RP1L1: variants seen among roughly 807,000 people sequenced by gnomAD.
RP1L1 encodes retinitis pigmentosa 1-like 1 protein.
RP1L1 carries 27 observed loss-of-function variants against 15.7 expected under a neutral mutation model. The ratio of observed to expected loss-of-function variants is 1.72; its 90% CI spans 1.27 to 2.38. RP1L1 has a LOEUF of 2.38. RP1L1 is among the 30% of genes most tolerant of loss of function. The pLI is 0.00. For synonymous variants in RP1L1, 1,813 were observed against 1,276.7 expected (o/e 1.42, Z -8.96); for missense variants, 4,798 against 3,075.9 (o/e 1.56, Z -13.24).
chr8:10,628,764 G>A (rs1585986790), intron 1 of RP1L1, among the ~76,000 whole-genome samples: 1 of 152,164 alleles, frequency 6.6e-6, no homozygotes, highest in African/African-American at 2.4e-5. Context: ...TCATGGACTG[G>A]AAGAAACCTG....
rs766855196 is a variant in RP1L1 at position 10,611,308 on chromosome 8, A to C, written c.2790T>G (p.Ser930Arg). Reference sequence around the variant, plus strand: ...CCTCCTGCCCCTGGGGGCCTCCCCCACTCCTCAAGGTCTTCTCCTCGGACA... The same window carrying C: ...CCTCCTGCCCCTGGGGGCCTCCCCCCCTCCTCAAGGTCTTCTCCTCGGACA... The part of the protein sequence containing the change: ...RGLSEEKTLR[S>R]GGGPQGQEEA... Residue 930 changes from serine to arginine, a missense_variant, in exon 4 of 4, where the codon AGT becomes AGG. Transcript: ENST00000382483. 5.6e-6 allele frequency: 9 copies of C among 1,612,152 alleles called. No individual in the cohort carries two copies. In the African/African-American group the frequency reaches 1.2e-4, roughly 22 times the overall value.
rs796974406 is a variant in RP1L1, at chr8:10,654,543, C to T, written c.-20+355G>A. Among the ~76,000 whole-genome samples, 5 of 152,242 alleles carry T rather than the reference C, an allele frequency of 3.3e-5. 1 individual carries two copies. Among genetic ancestry groups the T allele is most frequent in the African/African-American group, 1.2e-4 (5 of 41,542 alleles). ...CCACCTCTCCCTCCTCTCCAAGAGC[C>T]CCAAGAAATCCTCAGGAGGGATTTC... is the stretch of plus-strand genomic sequence containing the variant. On this transcript the variant is annotated intron_variant, in intron 1 of 3. Transcript: ENST00000382483.
At chr8:10,619,469 G>A (rs1798024151) in intron 2 of RP1L1, among the ~76,000 whole-genome samples, 1 of 152,162 alleles carries the variant, frequency 6.6e-6, no homozygotes, top group Non-Finnish European at 1.5e-5. Context: ...AGTCATTCCA[G>A]AGGCAACCCC....
At position 10,643,794 on chromosome 8, in the gene RP1L1, G is replaced by T. The variant is rs116855155; in HGVS notation, c.-20+11104C>A. On this transcript the variant is annotated intron_variant, in intron 1 of 3. Coordinates refer to ENST00000382483, the MANE Select transcript of RP1L1 (RefSeq NM_178857.6). ...GGCCTCGCTGGCTACCTCTCACCTG[G>T]GCAGGTGGTGGTGCGGGGCAGAGCA... Among the ~76,000 whole-genome samples the T allele has an allele frequency of 5.0e-3, 754 of 152,132 alleles. 2 individuals are homozygous for T. The highest frequency in any genetic ancestry group is 7.5e-3 in the Non-Finnish European group (513 of 67,998).
chr8:10,626,346 T>A (rs999185798), intron 1 of RP1L1, among the ~76,000 whole-genome samples: 1 of 152,108 alleles, frequency 6.6e-6, no homozygotes, highest in East Asian at 1.9e-4. Flanking sequence ...TGCGAGACCT[T>A]GAAGGGCTGA....
intron 1 of RP1L1, among the ~76,000 whole-genome samples, chr8:10,624,988 C>T (rs1207736498): frequency 6.6e-6 from 1 of 152,188 alleles, no homozygotes; most frequent in African/African-American, 2.4e-5. Context: ...GGAGCCGAGG[C>T]TCCTGTCAGA....
chr8:10,633,553 CT>C (rs1798284389), intron 1 of RP1L1, among the ~76,000 whole-genome samples: 1 of 152,198 alleles, frequency 6.6e-6, no homozygotes, highest in Non-Finnish European at 1.5e-5. Context: ...CTACTATGTG[CT>C]AGGCGCAGGG....
chr8:10,607,623 G>T lies in RP1L1; in HGVS notation c.6475C>A (p.Pro2159Thr), dbSNP rs1797730437. 1 of 1,588,350 alleles carries T rather than the reference G, an allele frequency of 6.3e-7. No individual in the cohort carries two copies. The highest frequency in any genetic ancestry group is 1.7e-5 in the Admixed American group (1 of 57,744). Residue 2159 changes from proline (P) to threonine (T), a missense_variant, in exon 4 of 4, where the codon CCA becomes ACA. By Grantham distance (38) the Pro-to-Thr change is conservative. Transcript: ENST00000382483. ...TGGGCCTCTATACCTTCTGACTCTGGCTGGGCCTCCCCTTCTGCATCCTGG... is the reference window on the plus strand; with the variant it reads ...TGGGCCTCTATACCTTCTGACTCTGTCTGGGCCTCCCCTTCTGCATCCTGG... ...EAQDAEGEAQ[P>T]ESEGIEAQEA...
intron 1 of RP1L1, among the ~76,000 whole-genome samples, chr8:10,649,729 G>C (rs567752087): frequency 2.0e-5 from 3 of 152,248 alleles, no homozygotes; most frequent in South Asian, 4.2e-4. Context: ...AAACACAAAA[G>C]AATTAGCTGG....
At chr8:10,621,928 C>T (rs147835965) in intron 2 of RP1L1, among the ~76,000 whole-genome samples, 141 of 152,294 alleles carry the variant, frequency 9.3e-4, no homozygotes, top group Middle Eastern at 6.8e-3. Flanking sequence ...AGCCCTCCAA[C>T]GCCCTGTATT....
At chr8:10,653,380 G>C (rs1323539991) in intron 1 of RP1L1, among the ~76,000 whole-genome samples, 2 of 151,900 alleles carry the variant, frequency 1.3e-5, no homozygotes, top group African/African-American at 4.8e-5. Context: ...GAGGAGCAGA[G>C]AACTATGTTG....
chr8:10,641,439 A>C (rs1039529091), intron 1 of RP1L1, among the ~76,000 whole-genome samples: 5 of 152,260 alleles, frequency 3.3e-5, no homozygotes, highest in African/African-American at 1.2e-4. Context: ...TTGTCACAGC[A>C]GCATAACCTT....
intron 1 of RP1L1, among the ~76,000 whole-genome samples, chr8:10,629,188 T>C (rs1382715536): frequency 2.6e-5 from 4 of 152,152 alleles, no homozygotes; most frequent in Admixed American, 6.5e-5. Context: ...AGCAAGTGCA[T>C]GGAGGAAACA....
rs753781943 is a variant in RP1L1 at position 10,612,897 on chromosome 8, G to T, written c.1201C>A (p.Pro401Thr). 3 of 1,612,966 alleles carry T rather than the reference G, an allele frequency of 1.9e-6. No individual in the cohort carries two copies. The East Asian group carries it at 6.7e-5, about 36-fold the overall frequency. Residue 401 changes from proline to threonine, a missense_variant, in exon 4 of 4, where the codon CCA (proline) becomes ACA (threonine). Pro to Thr is a conservative substitution (Grantham distance 38). Coordinates refer to ENST00000382483, the MANE Select transcript of RP1L1 (RefSeq NM_178857.6). ...CREVFGRGGQ[P>T]GPKYEIWTNP... is the part of the protein sequence containing the mutation. ...GTCCAGATTTCATACTTGGGCCCTG[G>T]CTGCCCGCCTCGGCCAAAGACTTCC... is the stretch of plus-strand genomic sequence containing the variant.
chr8:10,631,731 G>C (rs73662885), intron 1 of RP1L1, among the ~76,000 whole-genome samples: 2,779 of 152,284 alleles, frequency 0.018, 81 homozygotes, highest in African/African-American at 0.063. Context: ...AGTGCCGCCC[G>C]AGCCTGTGGA....
At chr8:10,622,513 A>T (rs2117225230) in intron 2 of RP1L1, 80 bp downstream of exon 2, 1 of 1,588,388 alleles carries the variant, frequency 6.3e-7, no homozygotes, top group South Asian at 1.1e-5. Context: ...TTTAAGGAAT[A>T]ATCTCTCTCT....
chr8:10,611,125 C>G lies in RP1L1; in HGVS notation c.2973G>C (p.Glu991Asp). ...GAGAATGGTCATCCCCAGGGTCCACCTCGGGGCCTCTCAGGCCACCCCCAG... is the reference window on the plus strand; with the variant it reads ...GAGAATGGTCATCCCCAGGGTCCACGTCGGGGCCTCTCAGGCCACCCCCAG... ...GAAGGGLRGP[E>D]VDPGDDHSLE... Residue 991 changes from glutamate (E) to aspartate (D), a missense_variant, in exon 4 of 4, where the codon GAG (glutamate) becomes GAC (aspartate). Glu to Asp is a conservative substitution (Grantham distance 45). Coordinates refer to ENST00000382483, the MANE Select transcript of RP1L1 (RefSeq NM_178857.6). The G allele has an allele frequency of 6.2e-7, 1 of 1,612,934 alleles. No individual in the cohort carries two copies. The highest frequency in any genetic ancestry group is 8.5e-7 in the Non-Finnish European group (1 of 1,180,016).
Position 10,607,488 on chromosome 8 carries a change from C to G in RP1L1, c.6610G>C (p.Glu2204Gln). ...EGIEAPEAEGEAQPELEGVEA... is the reference protein window; with the variant it reads ...EGIEAPEAEGQAQPELEGVEA... ...ACACCTTCTAACTCTGGTTGGGCCT[C>G]CCCTTCTGCCTCTGGGGCCTCTATA... The change falls in exon 4 of 4, where the codon GAG becomes CAG. Residue 2204 changes from glutamate (E) to glutamine (Q), a missense_variant. Physicochemically the swap from Glu to Gln is conservative, Grantham distance 29. Transcript: ENST00000382483. The G allele has an allele frequency of 6.2e-7, 1 of 1,609,474 alleles. No individual in the cohort carries two copies. The highest frequency in any genetic ancestry group is 8.5e-7 in the Non-Finnish European group (1 of 1,176,860).
chr8:10,652,318 C>T (rs918186370), intron 1 of RP1L1, among the ~76,000 whole-genome samples: 8 of 152,080 alleles, frequency 5.3e-5, no homozygotes, highest in African/African-American at 1.9e-4. Context: ...AACTTAGGGC[C>T]CCAGCTAACA....
Sources: gnomAD v4.1 joint callset for allele counts (sites outside exome capture counted in the v4.1 genomes callset) on GRCh38, gnomAD v4.1.1 for gene constraint, MANE v1.5 for transcripts, NCBI Gene and HGNC (gene_info 2026-07-23, HGNC 2026-07-21) for gene names.